Variants in PSMD12 observed in about 807,000 individuals in gnomAD.
PSMD12 encodes 26S proteasome non-ATPase regulatory subunit 12.
PSMD12 carries 8 observed loss-of-function variants against 62.9 expected under a neutral mutation model. That is an observed-to-expected ratio of 0.13 (90% CI 0.07 to 0.23). The LOEUF (loss-of-function observed/expected upper bound fraction) is 0.23, where lower values mean the gene tolerates loss of function less well. Ranked by LOEUF, PSMD12 falls within the 10% of genes least tolerant of loss-of-function variation. The pLI is 1.00. For synonymous variants in PSMD12, 173 were observed against 187.4 expected (o/e 0.92, Z 0.63); for missense variants, 424 against 550.2 (o/e 0.77, Z 2.29).
intron 9 of PSMD12, 82 bp from the exon 10 acceptor site, chr17:67,342,345 AG>A: frequency 1.1e-6 from 1 of 922,736 alleles, no homozygotes; most frequent in East Asian, 2.5e-5. Flanking sequence ...TATCCAAGTA[AG>A]TTTACTTAAA....
chr17:67,347,555 G>C, intron 5 of PSMD12, 70 bp from the exon 6 acceptor site: 1 of 1,410,312 alleles, frequency 7.1e-7, no homozygotes, highest in South Asian at 1.3e-5. Flanking sequence ...AAATGAAATA[G>C]ATATTAAAAT....
intron 8 of PSMD12, among the ~76,000 whole-genome samples, chr17:67,345,303 C>T (rs930842121): frequency 6.6e-6 from 1 of 152,182 alleles, no homozygotes; most frequent in African/African-American, 2.4e-5. Flanking sequence ...ACGTTATCCT[C>T]TCTAGTTTTA....
chr17:67,357,687 A>G, intron 1 of PSMD12, 109 bp from the exon 2 acceptor site: 1 of 1,092,996 alleles, frequency 9.1e-7, no homozygotes, highest in Non-Finnish European at 1.4e-6. Flanking sequence ...AGCCTCTTCT[A>G]GAGGAAAAGG....
chr17:67,359,618 T>G (rs538703891), intron 1 of PSMD12, among the ~76,000 whole-genome samples: 20 of 152,314 alleles, frequency 1.3e-4, no homozygotes, highest in African/African-American at 4.3e-4. Context: ...TGCTGCCATA[T>G]TTTTCCAAGA....
chr17:67,341,182 CA>C lies in PSMD12; in HGVS notation c.1162-131del, dbSNP rs997039806. The stretch of plus-strand genomic sequence containing the variant: ...GGAATTCATTCTTAAGAGTTAGTAA[CA>C]CTCAGCTGGGTGTGGTGGCTCACAC... On this transcript the variant is annotated intron_variant, in intron 10 of 10. Coordinates refer to ENST00000356126, the MANE Select transcript of PSMD12 (RefSeq NM_002816.5). 13 of 710,546 alleles carry C rather than the reference CA, an allele frequency of 1.8e-5. No individual in the cohort carries two copies. In the African/African-American group the frequency reaches 2.1e-4, roughly 11 times the overall value. 44.0% of individuals were successfully genotyped at this position (710,546 alleles called of 1,614,324 possible). A position where few individuals can be genotyped will look rare whatever the true frequency, so the allele number is the denominator to read the frequency against.
At chr17:67,357,146 T>G (rs1292975840) in intron 3 of PSMD12, 157 bp downstream of exon 3, 1 of 742,750 alleles carries the variant, frequency 1.3e-6, no homozygotes, top group Non-Finnish European at 2.0e-6. Flanking sequence ...CAGAAAACAG[T>G]CATATCATTG....
At chr17:67,364,246 A>T (rs2042159749) in intron 1 of PSMD12, among the ~76,000 whole-genome samples, 1 of 151,886 alleles carries the variant, frequency 6.6e-6, no homozygotes. Flanking sequence ...AAAAAAAATC[A>T]AAATTCAAAT....
rs780349428 is a variant in PSMD12 at position 67,347,211 on chromosome 17, C to T, written c.700G>A (p.Asp234Asn). ...LKYYNLMIQLDQHEGSYLSIC... is the reference protein window; with the variant it reads ...LKYYNLMIQLNQHEGSYLSIC... ...GACAAATAGGATCCCTCATGTTGAT[C>T]CAGCTGAATCATTAAATTATAGTAC... The change falls in exon 7 of 11, where the codon GAT becomes AAT. Residue 234 changes from aspartate (D) to asparagine (N), a missense_variant. Coordinates refer to ENST00000356126, the MANE Select transcript of PSMD12 (RefSeq NM_002816.5). 8.0e-5 allele frequency: 129 copies of T among 1,613,572 alleles called. No homozygotes were observed. Among genetic ancestry groups the T allele is most frequent in the Non-Finnish European group, 1.1e-4 (127 of 1,179,822 alleles).
In PSMD12 at chr17:67,340,026, G is replaced by A. The variant is rs1035907275; in HGVS notation, c.*817C>T. On this transcript the variant is annotated 3_prime_UTR_variant, in exon 11 of 11. Coordinates refer to ENST00000356126, the MANE Select transcript of PSMD12 (RefSeq NM_002816.5). The stretch of plus-strand genomic sequence containing the variant: ...ACTTACAAGTTAAAGCCACAAATAA[G>A]CCTTATAAAAACAACTTTATGTTAA... The A allele has an allele frequency of 3.7e-5, 5 of 136,216 alleles. No individual in the cohort carries two copies. The highest frequency in any genetic ancestry group is 1.4e-4 in the African/African-American group (5 of 36,582). The allele number at this position is 136,216 out of a possible 1,614,324, so 8.4% of individuals were successfully genotyped here.
chr17:67,365,603 G>A (rs2042171427), intron 1 of PSMD12, among the ~76,000 whole-genome samples: 1 of 152,122 alleles, frequency 6.6e-6, no homozygotes, highest in African/African-American at 2.4e-5. Flanking sequence ...CTCCCCCTCA[G>A]CAAGCATACT....
intron 1 of PSMD12, among the ~76,000 whole-genome samples, chr17:67,359,393 T>G (rs1187289183): frequency 1.3e-5 from 2 of 152,190 alleles, no homozygotes; most frequent in Non-Finnish European, 2.9e-5. Flanking sequence ...TTTAACATGC[T>G]AATATTAATA....
chr17:67,364,655 G>A (rs2042163133), intron 1 of PSMD12, among the ~76,000 whole-genome samples: 1 of 152,164 alleles, frequency 6.6e-6, no homozygotes, highest in Admixed American at 6.5e-5. Context: ...AGGTTCAGGG[G>A]CTGACCTTGG....
Position 67,366,544 on chromosome 17 carries a change from T to G in PSMD12, c.-25A>C. On this transcript the variant is annotated 5_prime_UTR_variant, in exon 1 of 11. Coordinates refer to ENST00000356126, the MANE Select transcript of PSMD12 (RefSeq NM_002816.5). ...TGGTCCCCGCCTGAGCGTCCCTTGC[T>G]GTCCCCCTGCTTCGGCCACCACTCG... 1.9e-6 allele frequency: 3 copies of G among 1,583,170 alleles called. No individual in the cohort carries two copies. The highest frequency in any genetic ancestry group is 2.6e-6 in the Non-Finnish European group (3 of 1,166,168).
intron 4 of PSMD12, among the ~76,000 whole-genome samples, 156 bp downstream of exon 4, chr17:67,350,073 A>G (rs926513213): frequency 6.6e-6 from 1 of 152,240 alleles, no homozygotes. Flanking sequence ...AAAGGGATGT[A>G]CAAAGACATT....
In PSMD12 at chr17:67,357,557, T is replaced by C. The variant is rs962878108; in HGVS notation, c.130A>G (p.Ile44Val). ...TTTTCCAGAGAGAGAAGGGTTTCAA[T>C]GACTTCTTGAAGTCTTCCTTCCTAA... is the stretch of plus-strand genomic sequence containing the variant. ...LAKEGRLQEV[I>V]ETLLSLEKQT... is the part of the protein sequence containing the mutation. The change falls in exon 2 of 11, where the codon ATT becomes GTT. Residue 44 changes from isoleucine to valine, a missense_variant. Physicochemically the swap from Ile to Val is conservative, Grantham distance 29 (BLOSUM62 3). Coordinates refer to ENST00000356126, the MANE Select transcript of PSMD12 (RefSeq NM_002816.5). 4 of 1,613,692 alleles carry C rather than the reference T, an allele frequency of 2.5e-6. No individual in the cohort carries two copies. Among genetic ancestry groups the C allele is most frequent in the South Asian group, 1.1e-5 (1 of 91,068 alleles).
chr17:67,352,477 C>T (rs2042027822), intron 3 of PSMD12, among the ~76,000 whole-genome samples: 1 of 152,134 alleles, frequency 6.6e-6, no homozygotes, highest in Non-Finnish European at 1.5e-5. Flanking sequence ...CATGTAGTGT[C>T]TCACAAAACA....
intron 9 of PSMD12, among the ~76,000 whole-genome samples, chr17:67,342,781 T>C (rs1312797030): frequency 1.3e-5 from 2 of 151,734 alleles, no homozygotes; most frequent in South Asian, 2.1e-4. Flanking sequence ...ACAAAAAATT[T>C]AAAAATTAGC....
intron 1 of PSMD12, among the ~76,000 whole-genome samples, chr17:67,360,765 G>A (rs138021508): frequency 6.6e-6 from 1 of 152,184 alleles, no homozygotes; most frequent in South Asian, 2.1e-4. Context: ...CATATAATAC[G>A]TGTTGAATGG....
rs964659402 is a variant in PSMD12 at position 67,366,567 on chromosome 17, T to G, written c.-48A>C. On this transcript the variant is annotated 5_prime_UTR_variant, in exon 1 of 11. Transcript: ENST00000356126. ...GCTGTCCCCCTGCTTCGGCCACCACTCGTCACCCACACCGGAAGTTGCCCG... is the reference window on the plus strand; with the variant it reads ...GCTGTCCCCCTGCTTCGGCCACCACGCGTCACCCACACCGGAAGTTGCCCG... The G allele has an allele frequency of 2.6e-6, 4 of 1,529,738 alleles. No homozygotes were observed. Among genetic ancestry groups the G allele is most frequent in the Non-Finnish European group, 3.5e-6 (4 of 1,130,338 alleles). 94.8% of individuals were successfully genotyped at this position (1,529,738 alleles called of 1,614,324 possible). A position where few individuals can be genotyped will look rare whatever the true frequency, so the allele number is the denominator to read the frequency against.
Sources: gnomAD v4.1 joint callset for allele counts (sites outside exome capture counted in the v4.1 genomes callset) on GRCh38, gnomAD v4.1.1 for gene constraint, MANE v1.5 for transcripts, NCBI Gene and HGNC (gene_info 2026-07-23, HGNC 2026-07-21) for gene names.